Variants in DDX19B observed in about 807,000 individuals in gnomAD.
The protein encoded by DDX19B is DEAD-box helicase 19B.
Under a neutral mutation model 58.1 loss-of-function variants are expected in DDX19B, and 27 were observed. The ratio of observed to expected loss-of-function variants is 0.46; its 90% confidence interval spans 0.34 to 0.64. The LOEUF (loss-of-function observed/expected upper bound fraction) is 0.64, where lower values mean the gene tolerates loss of function less well. Among genes scored for constraint, DDX19B ranks in the 30% least tolerant of loss-of-function variants. The probability of loss-of-function intolerance (pLI) is 0.01; values close to 1 mark genes in which losing one functional copy is unlikely to be tolerated. For missense variants in DDX19B, 399 were observed against 596.5 expected (o/e 0.67, Z 3.45); for synonymous variants, 187 against 214.4 (o/e 0.87, Z 1.12).
chr16:70,312,967 T>A (rs1962168971), intron 2 of DDX19B, among the ~76,000 whole-genome samples: 1 of 151,668 alleles, frequency 6.6e-6, no homozygotes, highest in African/African-American at 2.4e-5. Flanking sequence ...CTCAGCCTCC[T>A]GAGTAGCTGG....
chr16:70,292,155 T>C (rs2152176978), upstream of DDX19B, among the ~76,000 whole-genome samples: 1 of 151,846 alleles, frequency 6.6e-6, no homozygotes, highest in Non-Finnish European at 1.5e-5. Flanking sequence ...CTTGTCTCTC[T>C]CTCTTTTTTT....
intron 1 of DDX19B, among the ~76,000 whole-genome samples, chr16:70,308,113 C>A (rs1961865045): frequency 6.6e-6 from 1 of 151,204 alleles, no homozygotes; most frequent in East Asian, 1.9e-4. Flanking sequence ...CCACCATGCC[C>A]AGCTAGTTTT....
chr16:70,316,886 C>T (rs890272019), intron 4 of DDX19B, among the ~76,000 whole-genome samples: 1 of 152,002 alleles, frequency 6.6e-6, no homozygotes, highest in Non-Finnish European at 1.5e-5. Context: ...GCGTGGCCAA[C>T]ATGGTGAAAC....
At position 70,299,254 on chromosome 16, in the gene DDX19B, C is replaced by G. The variant is rs1216068401; in HGVS notation, c.-44C>G. The G allele has an allele frequency of 6.6e-7, 1 of 1,522,480 alleles. No homozygotes were observed. The highest frequency in any genetic ancestry group is 1.4e-5 in the African/African-American group (1 of 72,252). The allele number at this position is 1,522,480 out of a possible 1,614,324, so 94.3% of individuals were successfully genotyped here. A position where few individuals can be genotyped will look rare whatever the true frequency, so the allele number is the denominator to read the frequency against. On this transcript the variant is annotated 5_prime_UTR_variant, in exon 1 of 12. In the 5' UTR this introduces an upstream ATG that the reference lacks. Coordinates refer to ENST00000288071, the MANE Select transcript of DDX19B (RefSeq NM_007242.7). The stretch of plus-strand genomic sequence containing the variant: ...CGGAGCCCACGATCCCTCGTGCCAT[C>G]CCTCGAATCCACCAGCACGAGCGTC...
upstream of DDX19B, among the ~76,000 whole-genome samples, chr16:70,298,866 A>G (rs1961329683): frequency 6.6e-6 from 1 of 152,146 alleles, no homozygotes; most frequent in Non-Finnish European, 1.5e-5. Flanking sequence ...GAAAAGGGAA[A>G]CAGCTCTGTG....
intron 3 of DDX19B, among the ~76,000 whole-genome samples, chr16:70,315,445 G>A (rs574685537): frequency 5.9e-5 from 9 of 151,458 alleles, no homozygotes; most frequent in Non-Finnish European, 1.0e-4. Flanking sequence ...GAGTTCTAAT[G>A]GTTTACGTTT....
intron 2 of DDX19B, 39 bp from the exon 3 acceptor site, chr16:70,314,863 G>GA: frequency 6.2e-7 from 1 of 1,603,170 alleles, no homozygotes; most frequent in East Asian, 2.3e-5. Flanking sequence ...TTGGGTATGG[G>GA]ATGCGATTTT....
chr16:70,322,215 A>G (rs1962869660), intron 5 of DDX19B, among the ~76,000 whole-genome samples: 1 of 152,228 alleles, frequency 6.6e-6, no homozygotes, highest in Non-Finnish European at 1.5e-5. Context: ...AATTAAATAT[A>G]CAACACTTTA....
intron 1 of DDX19B, among the ~76,000 whole-genome samples, chr16:70,310,526 C>T (rs1962027156): frequency 2.0e-5 from 3 of 152,064 alleles, no homozygotes; most frequent in Admixed American, 1.3e-4. Flanking sequence ...GCCTGGCCAA[C>T]AGAGTGAGAC....
chr16:70,294,842 C>A (rs746604355), upstream of DDX19B: 31 of 1,512,006 alleles, frequency 2.1e-5, 1 homozygote, highest in South Asian at 3.3e-4. Flanking sequence ...CATGCTCAGC[C>A]GCGATGGCTG....
chr16:70,315,488 G>A (rs1309981620), intron 3 of DDX19B, among the ~76,000 whole-genome samples: 1 of 151,740 alleles, frequency 6.6e-6, no homozygotes, highest in African/African-American at 2.4e-5. Flanking sequence ...CTGAACAGTT[G>A]AATAGGGCAT....
At chr16:70,294,622 C>A (rs796951684), upstream of DDX19B, among the ~76,000 whole-genome samples, 2 of 152,188 alleles carry the variant, frequency 1.3e-5, no homozygotes, top group African/African-American at 4.8e-5. Context: ...TCATGGAGTT[C>A]CCAGTCTCAC....
chr16:70,312,164 C>T (rs1962128203), intron 1 of DDX19B, among the ~76,000 whole-genome samples: 1 of 152,092 alleles, frequency 6.6e-6, no homozygotes, highest in South Asian at 2.1e-4. Flanking sequence ...CATCACAGTC[C>T]TCCCTTCCCA....
chr16:70,317,668 G>T, intron 5 of DDX19B, 80 bp downstream of exon 5: 1 of 1,325,286 alleles, frequency 7.5e-7, no homozygotes. Flanking sequence ...GGCCAGCAAG[G>T]TGGCTTATGC....
At chr16:70,324,503 G>T in intron 5 of DDX19B, 82 bp from the exon 6 acceptor site, 3 of 1,232,036 alleles carry the variant, frequency 2.4e-6, no homozygotes, top group East Asian at 2.6e-5. Flanking sequence ...TCCTATAAAT[G>T]AATTTTTAAT....
chr16:70,326,518 A>G (rs1963151802), intron 7 of DDX19B, among the ~76,000 whole-genome samples: 2 of 152,140 alleles, frequency 1.3e-5, no homozygotes, highest in African/African-American at 4.8e-5. Flanking sequence ...CAAAAATTCT[A>G]CATTCTAGAT....
intron 1 of DDX19B, among the ~76,000 whole-genome samples, chr16:70,300,400 G>T: frequency 6.6e-6 from 1 of 151,762 alleles, no homozygotes; most frequent in Non-Finnish European, 1.5e-5. Flanking sequence ...TAGAGATGGG[G>T]ACTTGCCATG....
upstream of DDX19B, among the ~76,000 whole-genome samples, chr16:70,290,990 A>T (rs1474098951): frequency 6.6e-6 from 1 of 152,226 alleles, no homozygotes; most frequent in East Asian, 1.9e-4. Context: ...TACAGACAAT[A>T]CAGAAAAATA....
At chr16:70,298,362 T>C (rs1003979320), upstream of DDX19B, among the ~76,000 whole-genome samples, 1 of 151,930 alleles carries the variant, frequency 6.6e-6, no homozygotes, top group African/African-American at 2.4e-5. Flanking sequence ...GCCGAAATCG[T>C]GCCACTGCAC....
Sources: gnomAD v4.1 joint callset for allele counts (sites outside exome capture counted in the v4.1 genomes callset) on GRCh38, gnomAD v4.1.1 for gene constraint, MANE v1.5 for transcripts, NCBI Gene and HGNC (gene_info 2026-07-23, HGNC 2026-07-21) for gene names.